HS3ST4: variants seen among roughly 807,000 people sequenced by gnomAD.
HS3ST4 encodes heparan sulfate-glucosamine 3-sulfotransferase 4.
HS3ST4 carries 17 observed loss-of-function variants against 29.2 expected under a neutral mutation model. The ratio of observed to expected loss-of-function variants is 0.58; its 90% CI spans 0.40 to 0.87. The LOEUF is 0.87. Among genes scored for constraint, HS3ST4 ranks in the 40% least tolerant of loss-of-function variants. The pLI is 0.00. For synonymous variants in HS3ST4, 314 were observed against 285.7 expected (o/e 1.10, Z -1.00); for missense variants, 627 against 634.5 (o/e 0.99, Z 0.13).
At chr16:25,703,127 C>A (rs748727389) in intron 1 of HS3ST4, among the ~76,000 whole-genome samples, 4 of 152,048 alleles carry the variant, frequency 2.6e-5, no homozygotes, top group Non-Finnish European at 5.9e-5. Flanking sequence ...CCACTGTACT[C>A]CAGCCAGCCT....
chr16:25,792,643 T>A (rs1222846225), intron 1 of HS3ST4, among the ~76,000 whole-genome samples: 4 of 151,974 alleles, frequency 2.6e-5, no homozygotes, highest in African/African-American at 9.6e-5. Context: ...TGTAATGTTA[T>A]CGCTCCTCTG....
chr16:25,837,631 G>T (rs542739312), intron 1 of HS3ST4, among the ~76,000 whole-genome samples: 1 of 152,148 alleles, frequency 6.6e-6, no homozygotes, highest in African/African-American at 2.4e-5. Flanking sequence ...TAAGGCGCAT[G>T]TTAGGGTACA....
In HS3ST4 at chr16:25,888,797, C is replaced by A. The variant is rs555066595; in HGVS notation, c.734+195646C>A. 7.1e-4 allele frequency among the ~76,000 whole-genome samples: 106 copies of A among 149,832 alleles called. No homozygotes were observed. The Middle Eastern group carries it at 0.017, about 24-fold the overall frequency. The stretch of plus-strand genomic sequence containing the variant: ...AGAGGTATTCACAACAACAACAAAA[C>A]AACAACAACAACAACAACTCTGAAA... On this transcript the variant is annotated intron_variant, in intron 1 of 1. Transcript: ENST00000331351.
intron 1 of HS3ST4, among the ~76,000 whole-genome samples, chr16:25,931,123 AC>A (rs1968458565): frequency 6.7e-6 from 1 of 148,530 alleles, no homozygotes; most frequent in Non-Finnish European, 1.5e-5. Flanking sequence ...AAAAACCTCC[AC>A]CCCGGGAAAT....
In HS3ST4 at chr16:25,812,033, A is replaced by G. The variant is rs183011661; in HGVS notation, c.734+118882A>G. Among the ~76,000 whole-genome samples the G allele has an allele frequency of 1.6e-4, 25 of 152,260 alleles. 1 individual carries two copies. In the East Asian group the frequency reaches 2.7e-3, roughly 16 times the overall value. On this transcript the variant is annotated intron_variant, in intron 1 of 1. Coordinates refer to ENST00000331351, the MANE Select transcript of HS3ST4 (RefSeq NM_006040.3). ...AGTGCTGTGTAGTATTCCATGGTGCATATGTACCACGTTTTCTTTATGCGG... is the reference window on the plus strand; with the variant it reads ...AGTGCTGTGTAGTATTCCATGGTGCGTATGTACCACGTTTTCTTTATGCGG...
At chr16:25,833,072 T>C (rs1175772835) in intron 1 of HS3ST4, among the ~76,000 whole-genome samples, 2 of 152,196 alleles carry the variant, frequency 1.3e-5, no homozygotes, top group African/African-American at 4.8e-5. Context: ...TCAGCTTCAG[T>C]TGGAGATTTG....
intron 1 of HS3ST4, among the ~76,000 whole-genome samples, chr16:26,100,530 G>A (rs879767114): frequency 3.9e-5 from 6 of 152,174 alleles, no homozygotes; most frequent in Non-Finnish European, 5.9e-5. Flanking sequence ...GACTGACTTA[G>A]TTGCCCTAGT....
Position 25,692,310 on chromosome 16 carries a change from C to T in HS3ST4, c.-108C>T, listed in dbSNP as rs1208149961. ...TGCAGCCGGGGCGGCTGGGCAGCGGCGGCGGCGGCGGCGGCGGCGGCGGCG... is the reference window on the plus strand; with the variant it reads ...TGCAGCCGGGGCGGCTGGGCAGCGGTGGCGGCGGCGGCGGCGGCGGCGGCG... On this transcript the variant is annotated 5_prime_UTR_variant, in exon 1 of 2. Transcript: ENST00000331351. 2.2e-5 allele frequency: 3 copies of T among 134,210 alleles called. No individual in the cohort carries two copies. The highest frequency in any genetic ancestry group is 7.6e-5 in the Admixed American group (1 of 13,116). The allele number at this position is 134,210 out of a possible 1,614,324, so 8.3% of individuals were successfully genotyped here. A position where few individuals can be genotyped will look rare whatever the true frequency, so the allele number is the denominator to read the frequency against.
intron 1 of HS3ST4, among the ~76,000 whole-genome samples, chr16:25,957,141 C>T (rs11642490): frequency 0.25 from 37,315 of 151,920 alleles, 4,976 homozygotes; most frequent in East Asian, 0.43. Context: ...AGAATGATGA[C>T]TCCAGTGCTT....
At chr16:25,982,510 C>G (rs1440646705) in intron 1 of HS3ST4, among the ~76,000 whole-genome samples, 2 of 152,160 alleles carry the variant, frequency 1.3e-5, no homozygotes, top group Non-Finnish European at 2.9e-5. Context: ...TAAAATAGAA[C>G]AGACCATGGT....
chr16:25,780,763 T>G (rs901470759), intron 1 of HS3ST4, among the ~76,000 whole-genome samples: 16 of 152,232 alleles, frequency 1.1e-4, no homozygotes, highest in Admixed American at 2.0e-4. Flanking sequence ...AATAATTGTT[T>G]TTAACTATTG....
Position 26,050,314 on chromosome 16 carries a change from CTA to C in HS3ST4, c.735-85288_735-85287del, listed in dbSNP as rs150391653. 5.0e-3 allele frequency among the ~76,000 whole-genome samples: 756 copies of C among 151,950 alleles called. 8 individuals carry two copies. Among genetic ancestry groups the C allele is most frequent in the African/African-American group, 0.017 (709 of 41,454 alleles). ...TCTCTCTGTCTCTCTCTCTCTCTTT[CTA>C]TATATATATGTATGTATTTTTTTAC... On this transcript the variant is annotated intron_variant, in intron 1 of 1. Transcript: ENST00000331351.
At chr16:25,743,030 T>C (rs1231633544) in intron 1 of HS3ST4, among the ~76,000 whole-genome samples, 2 of 152,206 alleles carry the variant, frequency 1.3e-5, no homozygotes, top group Non-Finnish European at 2.9e-5. Context: ...CCCCTGGTCA[T>C]TGAAGATATC....
intron 1 of HS3ST4, among the ~76,000 whole-genome samples, chr16:26,105,131 G>A (rs923376830): frequency 6.6e-6 from 1 of 152,178 alleles, no homozygotes; most frequent in Non-Finnish European, 1.5e-5. Context: ...TGAAGAAAAT[G>A]TGGTACATAA....
At chr16:26,051,817 T>C (rs1244165595) in intron 1 of HS3ST4, among the ~76,000 whole-genome samples, 6 of 151,174 alleles carry the variant, frequency 4.0e-5, no homozygotes, top group Admixed American at 4.0e-4. Context: ...CTCCCTTTCT[T>C]TCCATTCTCA....
At chr16:25,833,647 G>A (rs547792402) in intron 1 of HS3ST4, among the ~76,000 whole-genome samples, 1 of 152,256 alleles carries the variant, frequency 6.6e-6, no homozygotes, top group East Asian at 1.9e-4. Flanking sequence ...GTGAGATTAA[G>A]TGCCCCACAT....
At chr16:25,918,476 A>T (rs1265612785) in intron 1 of HS3ST4, among the ~76,000 whole-genome samples, 3 of 152,224 alleles carry the variant, frequency 2.0e-5, no homozygotes, top group African/African-American at 4.8e-5. Flanking sequence ...GCATGTGCAC[A>T]AGAGTTAGAA....
intron 1 of HS3ST4, among the ~76,000 whole-genome samples, chr16:26,075,408 T>C (rs1898650582): frequency 6.6e-6 from 1 of 152,220 alleles, no homozygotes; most frequent in African/African-American, 2.4e-5. Context: ...GGGGCAATGC[T>C]GTATTTCTAG....
intron 1 of HS3ST4, among the ~76,000 whole-genome samples, chr16:25,980,362 A>T (rs1301772340): frequency 6.6e-6 from 1 of 152,092 alleles, no homozygotes; most frequent in African/African-American, 2.4e-5. Flanking sequence ...CTCACTGTGG[A>T]TGTCATTTCA....
Sources: gnomAD v4.1 joint callset for allele counts (sites outside exome capture counted in the v4.1 genomes callset) on GRCh38, gnomAD v4.1.1 for gene constraint, MANE v1.5 for transcripts, NCBI Gene and HGNC (gene_info 2026-07-23, HGNC 2026-07-21) for gene names.